MOB2: variants seen among roughly 807,000 people sequenced by gnomAD.
The protein encoded by MOB2 is MOB2 Mps One Binder homolog.
MOB2 carries 14 observed loss-of-function variants against 27.4 expected under a neutral mutation model. That is an observed-to-expected ratio of 0.51 (90% CI 0.34 to 0.80). The LOEUF (loss-of-function observed/expected upper bound fraction) is 0.80. Among genes scored for constraint, MOB2 ranks in the 30% least tolerant of loss-of-function variants. The pLI is 0.01. For missense variants in MOB2, 304 were observed against 354.6 expected, an observed-to-expected ratio of 0.86 and a Z score of 1.15; for synonymous variants, 167 against 151.8, an observed-to-expected ratio of 1.10 and a Z score of -0.74.
At chr11:1,480,686 G>T in intron 2 of MOB2, 39 bp downstream of exon 2, 1 of 1,590,144 alleles carries the variant, frequency 6.3e-7, no homozygotes, top group Non-Finnish European at 8.6e-7. Context: ...AGGAGGAGCA[G>T]GGAGGAGGGA....
At chr11:1,482,373 T>A (rs930256516) in intron 1 of MOB2, among the ~76,000 whole-genome samples, 36 of 152,358 alleles carry the variant, frequency 2.4e-4, no homozygotes, top group South Asian at 8.3e-4. Flanking sequence ...TGGCAGTTCC[T>A]GCCCCCTTGC....
chr11:1,471,359 A>G lies in MOB2; in HGVS notation c.426T>C (p.Val142=). The G allele has an allele frequency of 6.2e-7, 1 of 1,613,592 alleles. No homozygotes were observed. ...TCTGCACGGAGCTCATGACGAAGTC[A>G]ACGTACTGTGGGGCCGTGCACTTGA... The part of the protein sequence containing the change: ...KKVKCTAPQY[V]DFVMSSVQKL... The change falls in exon 4 of 5, where the codon GTT becomes GTC. Residue 142 remains valine, a synonymous_variant. Transcript: ENST00000329957.
At chr11:1,486,356 G>A (rs1453796053) in intron 1 of MOB2, 91 bp downstream of exon 1, 17 of 1,000,650 alleles carry the variant, frequency 1.7e-5, no homozygotes, top group Admixed American at 8.3e-5. Flanking sequence ...ACAGTCCGCC[G>A]CCTCCCCACC....
intron 3 of MOB2, among the ~76,000 whole-genome samples, chr11:1,477,399 C>T (rs1847863089): frequency 6.6e-6 from 1 of 152,214 alleles, no homozygotes; most frequent in South Asian, 2.1e-4. Context: ...TTACTTCTCA[C>T]CCGCCTGCAC....
intron 1 of MOB2, among the ~76,000 whole-genome samples, chr11:1,482,879 C>T (rs1362143852): frequency 1.3e-5 from 2 of 152,308 alleles, no homozygotes; most frequent in East Asian, 1.9e-4. Flanking sequence ...GCAGCACCCA[C>T]GTCTCCCTGA....
chr11:1,478,011 C>T (rs528600700), intron 3 of MOB2, among the ~76,000 whole-genome samples: 2 of 152,306 alleles, frequency 1.3e-5, no homozygotes, highest in African/African-American at 4.8e-5. Context: ...TTTACCTATT[C>T]TGATTCTGAC....
At chr11:1,485,258 C>T (rs184914082) in intron 1 of MOB2, among the ~76,000 whole-genome samples, 12 of 152,346 alleles carry the variant, frequency 7.9e-5, no homozygotes, top group African/African-American at 2.6e-4. Context: ...GAGCTGCCTT[C>T]GGCATTTGGC....
In MOB2 at chr11:1,486,495, C is replaced by T; in HGVS notation, c.62G>A (p.Ser21Asn). ...AAGCACCATTTTGCAGCAGAGTCCA[C>T]TTTGCAGGGACTGGCCGGGCCGGGC... ...DQARPGQSLQ[S>N]GLCCKMVLQA... Residue 21 changes from serine to asparagine, a missense_variant, in exon 1 of 5, where the codon AGT becomes AAT. Transcript: ENST00000329957. 1 of 1,535,936 alleles carries T rather than the reference C, an allele frequency of 6.5e-7. No individual in the cohort carries two copies. Among genetic ancestry groups the T allele is most frequent in the South Asian group, 1.2e-5 (1 of 84,064 alleles).
At chr11:1,470,585 C>G in intron 4 of MOB2, 97 bp from the exon 5 acceptor site, 1 of 1,379,628 alleles carries the variant, frequency 7.2e-7, no homozygotes. Context: ...GTACCTGCCA[C>G]CCACACCTTG....
chr11:1,473,158 C>G (rs1028120440), intron 3 of MOB2: 3 of 152,356 alleles, frequency 2.0e-5, no homozygotes, highest in Admixed American at 1.3e-4. Flanking sequence ...ACTCAGCCCA[C>G]CCGAAGGGGA....
intron 3 of MOB2, among the ~76,000 whole-genome samples, chr11:1,473,613 C>T (rs1453028288): frequency 2.0e-5 from 3 of 152,222 alleles, no homozygotes; most frequent in East Asian, 3.8e-4. Context: ...AGGTTAGAGA[C>T]GGAAACCCTT....
intron 1 of MOB2, among the ~76,000 whole-genome samples, chr11:1,482,255 G>T (rs1847923571): frequency 6.6e-6 from 1 of 152,252 alleles, no homozygotes. Context: ...GCAAGCTCCA[G>T]GTGGCAGTTA....
Position 1,480,902 on chromosome 11 carries a change from C to T in MOB2, c.111-17G>A, listed in dbSNP as rs376192131. 8.9e-3 allele frequency: 13,823 copies of T among 1,551,070 alleles called. 77 individuals are homozygous for T. Among genetic ancestry groups the T allele is most frequent in the Non-Finnish European group, 0.01 (11,838 of 1,147,334 alleles). On this transcript the variant is annotated splice_polypyrimidine_tract_variant and intron_variant, in intron 1 of 4. Transcript: ENST00000329957. ...TTGGACTTCCTGCCAAGAGAGGAGA[C>T]GCGGTGTGGTCACTACACGCCCATC...
intron 3 of MOB2, among the ~76,000 whole-genome samples, chr11:1,477,730 A>G (rs1352529912): frequency 6.6e-6 from 1 of 152,202 alleles, no homozygotes; most frequent in African/African-American, 2.4e-5. Context: ...AACCGCAAGA[A>G]ATAAGATTCT....
intron 3 of MOB2, among the ~76,000 whole-genome samples, chr11:1,473,820 CGTGGCCCCTCACACCCGTGCTGCT>C (rs1467315865): frequency 2.0e-5 from 3 of 152,360 alleles, no homozygotes; most frequent in South Asian, 2.1e-4. Context: ...CGGCGGCTTA[CGTGGCCCCTCACACCCGTGCTGCT>C]GTGCCCCCAG....
At chr11:1,472,822 GTCTCCGGGCACAGGGCCTCCAGC>G in intron 3 of MOB2, 1 of 55,602 alleles carries the variant, frequency 1.8e-5, no homozygotes, top group Non-Finnish European at 4.7e-5. Flanking sequence ...GGCCTCCAGT[GTCTCCGGGCACAGGGCCTCCAGC>G]GTCTCCGGGC....
rs1389147592 is a variant in MOB2, at chr11:1,486,492, C to T, written c.65G>A (p.Gly22Glu). ...QARPGQSLQSGLCCKMVLQAV... is the reference protein window; with the variant it reads ...QARPGQSLQSELCCKMVLQAV... ...CTGAAGCACCATTTTGCAGCAGAGT[C>T]CACTTTGCAGGGACTGGCCGGGCCG... is the stretch of plus-strand genomic sequence containing the variant. The change falls in exon 1 of 5, where the codon GGA becomes GAA. Residue 22 changes from glycine to glutamate, a missense_variant. Transcript: ENST00000329957. The T allele has an allele frequency of 6.5e-7, 1 of 1,535,818 alleles. No homozygotes were observed. The highest frequency in any genetic ancestry group is 8.7e-7 in the Non-Finnish European group (1 of 1,146,846).
At chr11:1,486,383 G>T in intron 1 of MOB2, 64 bp downstream of exon 1, 1 of 1,303,412 alleles carries the variant, frequency 7.7e-7, no homozygotes, top group Non-Finnish European at 1.1e-6. Context: ...TCCTTCCTGG[G>T]GGCAAGAACA....
intron 3 of MOB2, among the ~76,000 whole-genome samples, chr11:1,477,159 A>G (rs7950099): frequency 0.039 from 5,962 of 152,128 alleles, 396 homozygotes; most frequent in African/African-American, 0.14. Flanking sequence ...AGAGGGCTGC[A>G]ATCCCCGGCG....
Sources: allele counts gnomAD v4.1 joint callset (sites outside exome capture counted in the v4.1 genomes callset), GRCh38; gene constraint gnomAD v4.1.1; transcripts MANE v1.5; gene names NCBI Gene and HGNC (gene_info 2026-07-23, HGNC 2026-07-21).